Variants in MDGA2 observed in about 807,000 individuals in gnomAD.
The protein encoded by MDGA2 is MAM domain-containing glycosylphosphatidylinositol anchor protein 2.
In MDGA2, 40 loss-of-function variants were observed where a neutral mutation model predicts 117.8. That is an observed-to-expected ratio of 0.34 (90% CI 0.26 to 0.44). MDGA2 has a LOEUF of 0.44. Ranked by LOEUF, MDGA2 falls within the 20% of genes least tolerant of loss-of-function variation. The pLI is 1.00. For missense variants in MDGA2, 1,123 were observed against 1,250.6 expected (o/e 0.90, Z 1.54); for synonymous variants, 452 against 439.0 (o/e 1.03, Z -0.37).
chr14:47,581,906 A>C (rs1896236048), intron 1 of MDGA2, among the ~76,000 whole-genome samples: 1 of 151,948 alleles, frequency 6.6e-6, no homozygotes, highest in Non-Finnish European at 1.5e-5. Flanking sequence ...CATTCTGCCC[A>C]GTGCTGCATT....
At chr14:47,574,002 T>C (rs1896068375) in intron 1 of MDGA2, among the ~76,000 whole-genome samples, 2 of 152,168 alleles carry the variant, frequency 1.3e-5, no homozygotes, top group South Asian at 4.1e-4. Context: ...TTATTCGCTA[T>C]TCTCTTTTCT....
chr14:47,173,626 C>T (rs1040629552), intron 3 of MDGA2, among the ~76,000 whole-genome samples: 3 of 151,506 alleles, frequency 2.0e-5, no homozygotes, highest in African/African-American at 7.3e-5. Context: ...ACCAGGCCTG[C>T]CCTAAAAGAG....
chr14:47,018,938 C>A (rs999034266), intron 8 of MDGA2, among the ~76,000 whole-genome samples: 3 of 152,070 alleles, frequency 2.0e-5, no homozygotes, highest in Non-Finnish European at 2.9e-5. Context: ...GTTCACATGG[C>A]ACCTCTGAAA....
chr14:47,306,656 C>G (rs907191079), intron 1 of MDGA2, among the ~76,000 whole-genome samples: 3 of 152,138 alleles, frequency 2.0e-5, no homozygotes, highest in Admixed American at 6.6e-5. Context: ...GTCAATGTAA[C>G]TTATGTTCTT....
At chr14:47,087,460 C>CAAAAAAAAAAAAAAAA (rs749371957) in intron 6 of MDGA2, among the ~76,000 whole-genome samples, 1 of 67,956 alleles carries the variant, frequency 1.5e-5, no homozygotes, top group Non-Finnish European at 2.8e-5. Flanking sequence ...GACTCCACAT[C>CAAAAAAAAAAAAAAAA]AAAAAAAAAA....
At chr14:46,883,628 ATC>A (rs10555801) in intron 10 of MDGA2, among the ~76,000 whole-genome samples, 50,802 of 151,600 alleles carry the variant, frequency 0.34, 8,774 homozygotes, top group South Asian at 0.52. Flanking sequence ...CTACGTAGGA[ATC>A]TCTCTCTTTC....
chr14:47,144,969 T>TATATTAAAATTTATATA (rs1882881947), intron 3 of MDGA2, among the ~76,000 whole-genome samples: 1 of 151,770 alleles, frequency 6.6e-6, no homozygotes, highest in African/African-American at 2.4e-5. Flanking sequence ...AATATACTTC[T>TATATTAAAATTTATATA]TTTTCCAATT....
intron 1 of MDGA2, among the ~76,000 whole-genome samples, chr14:47,587,491 A>G (rs1896347590): frequency 6.6e-6 from 1 of 151,816 alleles, no homozygotes. Context: ...TCTCCCAAAA[A>G]TGCACTTCTT....
intron 9 of MDGA2, among the ~76,000 whole-genome samples, chr14:46,938,180 A>C (rs1210087394): frequency 6.6e-6 from 1 of 152,144 alleles, no homozygotes; most frequent in Non-Finnish European, 1.5e-5. Flanking sequence ...ATAAATGGCC[A>C]AAAAATATTT....
rs1337182364 is a variant in MDGA2 at position 46,882,245 on chromosome 14, T to C, written c.2239-24A>G. ...GCCTGAAATCAAAACAATAATAGAA[T>C]AATGTTCCCAGTATGTTCTTCAGAG... On this transcript the variant is annotated intron_variant, in intron 10 of 16. Coordinates refer to ENST00000399232, the MANE Select transcript of MDGA2 (RefSeq NM_001113498.3). 3.8e-6 allele frequency: 6 copies of C among 1,591,720 alleles called. No individual in the cohort carries two copies. The African/African-American group carries it at 6.8e-5, about 18-fold the overall frequency.
Position 47,137,633 on chromosome 14 carries a change from T to A in MDGA2, c.793-5787A>T, listed in dbSNP as rs539444690. On this transcript the variant is annotated intron_variant, in intron 4 of 16. Transcript: ENST00000399232. ...GACGCAGATGCCACATCATGCTTCC[T>A]GTACAGTCTGCAAAACTGAGAACCA... Among the ~76,000 whole-genome samples the A allele has an allele frequency of 3.3e-5, 5 of 152,188 alleles. No homozygotes were observed. The East Asian group carries it at 9.6e-4, about 29-fold the overall frequency.
chr14:47,455,271 C>T (rs1950387), intron 1 of MDGA2, among the ~76,000 whole-genome samples: 48,805 of 151,968 alleles, frequency 0.32, 8,345 homozygotes, highest in East Asian at 0.58. Context: ...TTTGGGAGGT[C>T]GAGGTGGGCG....
chr14:46,873,887 C>T (rs1882118068), intron 13 of MDGA2, 158 bp downstream of exon 13: 3 of 666,738 alleles, frequency 4.5e-6, no homozygotes, highest in Non-Finnish European at 6.7e-6. Flanking sequence ...AAATTAATGT[C>T]TACAAAGTTT....
intron 3 of MDGA2, among the ~76,000 whole-genome samples, chr14:47,156,824 C>T (rs1353117724): frequency 6.6e-6 from 1 of 152,128 alleles, no homozygotes; most frequent in Non-Finnish European, 1.5e-5. Context: ...GCTCAATATA[C>T]TTGGAGGCAC....
At chr14:47,177,433 A>AAATGTGGC (rs2139354353) in intron 3 of MDGA2, among the ~76,000 whole-genome samples, 1 of 152,322 alleles carries the variant, frequency 6.6e-6, no homozygotes, top group African/African-American at 2.4e-5. Context: ...TGGATTAAGA[A>AAATGTGGC]AATGTGGCAC....
chr14:47,026,156 T>C (rs1250598114), intron 8 of MDGA2, among the ~76,000 whole-genome samples: 1 of 152,192 alleles, frequency 6.6e-6, no homozygotes. Flanking sequence ...CAATTGATAA[T>C]AAAGATACAA....
chr14:47,199,323 C>A (rs905397578), intron 3 of MDGA2, among the ~76,000 whole-genome samples: 1 of 152,148 alleles, frequency 6.6e-6, no homozygotes, highest in African/African-American at 2.4e-5. Flanking sequence ...AACATTCCAA[C>A]AATTTTGACT....
intron 1 of MDGA2, among the ~76,000 whole-genome samples, chr14:47,642,368 A>G (rs1897443718): frequency 6.6e-6 from 1 of 152,140 alleles, no homozygotes; most frequent in African/African-American, 2.4e-5. Flanking sequence ...AAATATGTAT[A>G]CATTTTAAGA....
intron 2 of MDGA2, among the ~76,000 whole-genome samples, chr14:47,285,948 G>A (rs1364734594): frequency 6.6e-6 from 1 of 152,022 alleles, no homozygotes; most frequent in African/African-American, 2.4e-5. Context: ...AAGTAATAAT[G>A]CCTGTCATAT....
Sources: gnomAD v4.1 joint callset for allele counts (sites outside exome capture counted in the v4.1 genomes callset) on GRCh38, gnomAD v4.1.1 for gene constraint, MANE v1.5 for transcripts, NCBI Gene and HGNC (gene_info 2026-07-23, HGNC 2026-07-21) for gene names.